ZNF704: variants seen among roughly 807,000 people sequenced by gnomAD.
ZNF704 encodes zinc finger protein 704.
Under a neutral mutation model 44.7 loss-of-function variants are expected in ZNF704, and 10 were observed. The ratio of observed to expected loss-of-function variants is 0.22; its 90% confidence interval spans 0.14 to 0.38. ZNF704 has a LOEUF of 0.38. ZNF704 is among the 10% of genes least tolerant of loss of function. ZNF704 has a pLI of 1.00. For synonymous variants in ZNF704, 211 were observed against 207.6 expected (o/e 1.02, Z -0.14); for missense variants, 390 against 545.5 (o/e 0.71, Z 2.84).
At chr8:80,861,348 C>T (rs1337891830) in intron 1 of ZNF704, among the ~76,000 whole-genome samples, 1 of 152,164 alleles carries the variant, frequency 6.6e-6, no homozygotes, top group African/African-American at 2.4e-5. Context: ...TTTTCTAACA[C>T]ATTAACCCTC....
intron 2 of ZNF704, among the ~76,000 whole-genome samples, chr8:80,813,624 TC>T (rs1046910284): frequency 2.0e-5 from 3 of 152,262 alleles, no homozygotes; most frequent in African/African-American, 7.2e-5. Flanking sequence ...ATGCCTGTAA[TC>T]CCAGCACTTT....
intron 2 of ZNF704, among the ~76,000 whole-genome samples, chr8:80,703,256 C>G (rs1585966803): frequency 6.6e-6 from 1 of 152,028 alleles, no homozygotes; most frequent in African/African-American, 2.4e-5. Context: ...TTGGAACAAG[C>G]TTTCTTCTCT....
chr8:80,715,162 C>A (rs1819052803), intron 2 of ZNF704, among the ~76,000 whole-genome samples: 1 of 152,162 alleles, frequency 6.6e-6, no homozygotes, highest in Non-Finnish European at 1.5e-5. Flanking sequence ...AAATAATTCA[C>A]TTCCCCGTTT....
chr8:80,798,103 A>G (rs1277614871), intron 2 of ZNF704, among the ~76,000 whole-genome samples: 1 of 152,038 alleles, frequency 6.6e-6, no homozygotes, highest in East Asian at 1.9e-4. Flanking sequence ...GATATACAGT[A>G]GGTGTATTAA....
intron 2 of ZNF704, among the ~76,000 whole-genome samples, chr8:80,724,646 A>C (rs1040308333): frequency 3.3e-5 from 5 of 152,160 alleles, no homozygotes; most frequent in Admixed American, 2.6e-4. Context: ...AGGAGTTGTC[A>C]GGCTTCGTTC....
At chr8:80,871,227 T>C (rs1809247337) in intron 1 of ZNF704, among the ~76,000 whole-genome samples, 1 of 152,198 alleles carries the variant, frequency 6.6e-6, no homozygotes, top group Non-Finnish European at 1.5e-5. Context: ...TAAGACTTTA[T>C]TGCTTAAAAC....
chr8:80,729,448 GC>G (rs1806538636), intron 2 of ZNF704, among the ~76,000 whole-genome samples: 1 of 152,158 alleles, frequency 6.6e-6, no homozygotes, highest in Non-Finnish European at 1.5e-5. Context: ...CTACTGCCTG[GC>G]GTGCAGAAGG....
intron 2 of ZNF704, among the ~76,000 whole-genome samples, chr8:80,703,946 C>G (rs73273023): frequency 0.074 from 11,290 of 152,170 alleles, 1,419 homozygotes; most frequent in African/African-American, 0.26. Context: ...TATTTGTTTC[C>G]TCTTGTGGAA....
At chr8:80,774,089 G>A (rs1024960205) in intron 2 of ZNF704, among the ~76,000 whole-genome samples, 27 of 149,310 alleles carry the variant, frequency 1.8e-4, no homozygotes, top group African/African-American at 5.9e-4. Context: ...ACTCTGTTGC[G>A]CCGACTGCCA....
At chr8:80,753,198 G>A (rs73692126) in intron 2 of ZNF704, among the ~76,000 whole-genome samples, 3,606 of 152,240 alleles carry the variant, frequency 0.024, 147 homozygotes, top group African/African-American at 0.082. Flanking sequence ...TGATCTGCAC[G>A]TCTTGGCTGG....
intron 2 of ZNF704, among the ~76,000 whole-genome samples, chr8:80,818,828 C>G (rs930171633): frequency 6.6e-6 from 1 of 152,152 alleles, no homozygotes; most frequent in Non-Finnish European, 1.5e-5. Context: ...CATCTTCCTA[C>G]TGTATCAGGT....
At chr8:80,816,776 CTCTT>C (rs1447913021) in intron 2 of ZNF704, among the ~76,000 whole-genome samples, 1 of 152,224 alleles carries the variant, frequency 6.6e-6, no homozygotes, top group Non-Finnish European at 1.5e-5. Flanking sequence ...CTCTTGCCCT[CTCTT>C]TCTGTGTAGT....
At chr8:80,644,303 A>G (rs1327782946) in intron 7 of ZNF704, among the ~76,000 whole-genome samples, 1 of 152,106 alleles carries the variant, frequency 6.6e-6, no homozygotes, top group Non-Finnish European at 1.5e-5. Context: ...GTCATAGAGG[A>G]GGGCCCCTAC....
At chr8:80,883,239 C>A in the ZNF704 span, among the ~76,000 whole-genome samples, 1 of 123,668 alleles carries the variant, frequency 8.1e-6, no homozygotes, top group Non-Finnish European at 1.7e-5. Flanking sequence ...GAGTGAGACA[C>A]CCTCTCAAAA....
chr8:80,849,491 A>T (rs1253615136), intron 1 of ZNF704, among the ~76,000 whole-genome samples: 4 of 152,194 alleles, frequency 2.6e-5, no homozygotes, highest in African/African-American at 4.8e-5. Context: ...TCAGAGGTGG[A>T]ATTTATTTCC....
chr8:80,818,941 T>C (rs1032297583), intron 2 of ZNF704, among the ~76,000 whole-genome samples: 1 of 152,164 alleles, frequency 6.6e-6, no homozygotes, highest in Non-Finnish European at 1.5e-5. Context: ...AGTTTGAGAG[T>C]TTGATCATTA....
chr8:80,759,725 G>C (rs1318805003), intron 2 of ZNF704, among the ~76,000 whole-genome samples: 1 of 152,140 alleles, frequency 6.6e-6, no homozygotes, highest in African/African-American at 2.4e-5. Flanking sequence ...CTCCCCACTT[G>C]AGCTTCCAGA....
chr8:80,789,008 A>C (rs1807659988), intron 2 of ZNF704, among the ~76,000 whole-genome samples: 1 of 152,220 alleles, frequency 6.6e-6, no homozygotes, highest in Non-Finnish European at 1.5e-5. Flanking sequence ...GTAATATACT[A>C]TTTTCATTAA....
In ZNF704 at chr8:80,687,256, G is replaced by A. The variant is rs1818553438; in HGVS notation, c.528C>T (p.Leu176=). Residue 176 remains leucine, a synonymous_variant, in exon 4 of 9, where the codon CTC becomes CTT. Coordinates refer to ENST00000327835, the MANE Select transcript of ZNF704 (RefSeq NM_001033723.3). The part of the protein sequence containing the change: ...GIDEAEASNL[L]FDEPIPRKRK... The stretch of plus-strand genomic sequence containing the variant: ...TTTTCCTGGGAATGGGCTCGTCGAA[G>A]AGCAGGTTGCTGGCCTCCGCCTCGT... 2 of 1,612,642 alleles carry A rather than the reference G, an allele frequency of 1.2e-6. No homozygotes were observed. Among genetic ancestry groups the A allele is most frequent in the African/African-American group, 2.7e-5 (2 of 74,934 alleles).
Sources: allele counts gnomAD v4.1 joint callset (sites outside exome capture counted in the v4.1 genomes callset), GRCh38; gene constraint gnomAD v4.1.1; transcripts MANE v1.5; gene names NCBI Gene and HGNC (gene_info 2026-07-23, HGNC 2026-07-21).